Variants in DNAJC28 observed in about 807,000 individuals in gnomAD.
DNAJC28 encodes dnaJ homolog subfamily C member 28.
In DNAJC28, 24 loss-of-function variants were observed where a neutral mutation model predicts 33.3. That is an observed-to-expected ratio of 0.72 (90% CI 0.52 to 1.01). DNAJC28 has a LOEUF of 1.01. DNAJC28 is among the 50% of genes least tolerant of loss of function. The probability of loss-of-function intolerance (pLI) is 0.00; values close to 1 mark genes in which losing one functional copy is unlikely to be tolerated. For synonymous variants in DNAJC28, 120 were observed against 147.2 expected (o/e 0.82, Z 1.34); for missense variants, 442 against 455.2 (o/e 0.97, Z 0.26).
rs748768239 is a variant in DNAJC28, at chr21:33,488,272, T to TA, written c.1121dup (p.Leu374PhefsTer11). 23 of 1,529,944 alleles carry TA rather than the reference T, an allele frequency of 1.5e-5. No homozygotes were observed. Among genetic ancestry groups the TA allele is most frequent in the African/African-American group, 2.8e-5 (2 of 71,432 alleles). 94.8% of individuals were successfully genotyped at this position (1,529,944 alleles called of 1,614,324 possible). ...TAAATTTCCACAGATTCATCCAGTT[T>TA]AAAAAACCTTTCTTGATTTCAGGTG... is the stretch of plus-strand genomic sequence containing the variant. On this transcript the variant is annotated frameshift_variant, in exon 2 of 2. Coordinates refer to ENST00000381947, the MANE Select transcript of DNAJC28 (RefSeq NM_001040192.3). LOFTEE classifies it high-confidence loss of function.
Position 33,488,790 on chromosome 21 carries a change from G to C in DNAJC28, c.604C>G (p.Arg202Gly). Residue 202 changes from arginine (R) to glycine (G), a missense_variant, in exon 2 of 2, where the codon CGT becomes GGT. Coordinates refer to ENST00000381947, the MANE Select transcript of DNAJC28 (RefSeq NM_001040192.3). ...TCTTGAATGAGGTCCTCCACTAAAC[G>C]TTCTATAGCTTGCGTTATCTTTTGC... is the stretch of plus-strand genomic sequence containing the variant. ...KQQKITQAIE[R>G]LVEDLIQESM... is the part of the protein sequence containing the mutation. 1.2e-6 allele frequency: 2 copies of C among 1,613,610 alleles called. No homozygotes were observed. The highest frequency in any genetic ancestry group is 1.7e-6 in the Non-Finnish European group (2 of 1,179,928).
chr21:33,489,295 AC>A lies in DNAJC28; in HGVS notation c.98del (p.Gly33ValfsTer7). On this transcript the variant is annotated frameshift_variant, in exon 2 of 2. Transcript: ENST00000381947. LOFTEE classifies it high-confidence loss of function. Reference sequence around the variant, plus strand: ...TTGACATCATTCTATTTCTAATGATACCAAAATATGGAAGCATTTTCACTCG... The same window carrying A: ...TTGACATCATTCTATTTCTAATGATACAAAATATGGAAGCATTTTCACTCG... ...PNRVKMLPYF[G>X]IIRNRMMSTH... The A allele has an allele frequency of 1.3e-6, 2 of 1,598,796 alleles. No individual in the cohort carries two copies. The highest frequency in any genetic ancestry group is 1.7e-6 in the Non-Finnish European group (2 of 1,175,390).
chr21:33,489,370 C>T lies in DNAJC28; in HGVS notation c.24G>A (p.Met8Ile). Residue 8 changes from methionine (M) to isoleucine (I), a missense_variant, in exon 2 of 2, where the codon ATG becomes ATA. Physicochemically the swap from Met to Ile is conservative, Grantham distance 10. Transcript: ENST00000381947. Reference sequence around the variant, plus strand: ...TCAGGTGAGATCTTAAGATCTGAGCCATCATCACATACATTGTATTCATTA... The same window carrying T: ...TCAGGTGAGATCTTAAGATCTGAGCTATCATCACATACATTGTATTCATTA... MNTMYVMMAQILRSHLIK... is the reference protein window; with the variant it reads MNTMYVMIAQILRSHLIK... The T allele has an allele frequency of 6.5e-7, 1 of 1,533,112 alleles. No individual in the cohort carries two copies. The highest frequency in any genetic ancestry group is 1.3e-5 in the South Asian group (1 of 75,420). 95.0% of individuals were successfully genotyped at this position (1,533,112 alleles called of 1,614,324 possible). A position where few individuals can be genotyped will look rare whatever the true frequency, so the allele number is the denominator to read the frequency against.
chr21:33,489,261 A>G lies in DNAJC28; in HGVS notation c.133T>C (p.Ser45Pro). 1 of 1,600,116 alleles carries G rather than the reference A, an allele frequency of 6.2e-7. No homozygotes were observed. The highest frequency in any genetic ancestry group is 8.5e-7 in the Non-Finnish European group (1 of 1,176,192). Residue 45 changes from serine (S) to proline (P), a missense_variant, in exon 2 of 2, where the codon TCC (serine) becomes CCC (proline). By Grantham distance (74) the Ser-to-Pro change is moderately conservative (BLOSUM62 -1). Transcript: ENST00000381947. ...IRNRMMSTHK[S>P]KKKIREYYRL... is the part of the protein sequence containing the mutation. ...TAATATTCTCTGATCTTCTTTTTGGATTTATGGGTTGACATCATTCTATTT... is the reference window on the plus strand; with the variant it reads ...TAATATTCTCTGATCTTCTTTTTGGGTTTATGGGTTGACATCATTCTATTT...
At chr21:33,491,040 A>G (rs1361189620) in intron 1 of DNAJC28, 1 of 152,202 alleles carries the variant, frequency 6.6e-6, no homozygotes, top group African/African-American at 2.4e-5. Context: ...TCTTCTCATA[A>G]GACGACTTAT....
Position 33,488,939 on chromosome 21 carries a change from T to G in DNAJC28, c.455A>C (p.Lys152Thr). The G allele has an allele frequency of 6.2e-7, 1 of 1,613,842 alleles. No homozygotes were observed. The highest frequency in any genetic ancestry group is 1.1e-5 in the South Asian group (1 of 91,050). ...IGFGTPTQRE[K>T]HYRQFRADRA... ...GTCTGCCCTAAATTGCCTATAATGC[T>G]TCTCTCGTTGAGTTGGAGTCCCAAA... Residue 152 changes from lysine to threonine, a missense_variant, in exon 2 of 2, where the codon AAG becomes ACG. Lys to Thr is a moderately conservative substitution (Grantham distance 78). Coordinates refer to ENST00000381947, the MANE Select transcript of DNAJC28 (RefSeq NM_001040192.3).
chr21:33,491,200 A>C (rs2084519812), intron 1 of DNAJC28: 1 of 152,232 alleles, frequency 6.6e-6, no homozygotes, highest in Non-Finnish European at 1.5e-5. Context: ...GTTTGCTGCT[A>C]TTGCAATAAC....
At chr21:33,490,340 CCT>C (rs1423328810) in intron 1 of DNAJC28, among the ~76,000 whole-genome samples, 6 of 150,110 alleles carry the variant, frequency 4.0e-5, no homozygotes, top group African/African-American at 1.5e-4. Context: ...ATCTCCTGAC[CCT>C]GTGATCTGCC....
In DNAJC28 at chr21:33,488,546, T is replaced by A. The variant is rs769843998; in HGVS notation, c.848A>T (p.Asn283Ile). The A allele has an allele frequency of 1.9e-6, 3 of 1,613,100 alleles. No individual in the cohort carries two copies. Among genetic ancestry groups the A allele is most frequent in the Non-Finnish European group, 2.5e-6 (3 of 1,179,860 alleles). Residue 283 changes from asparagine (N) to isoleucine (I), a missense_variant, in exon 2 of 2, where the codon AAT becomes ATT. Coordinates refer to ENST00000381947, the MANE Select transcript of DNAJC28 (RefSeq NM_001040192.3). ...AILVSRKKLGNPMTPTEKKQW... is the reference protein window; with the variant it reads ...AILVSRKKLGIPMTPTEKKQW... Reference sequence around the variant, plus strand: ...TTTCTTTTCAGTTGGTGTCATTGGATTCCCAAGTTTTTTCCTAGACACTAA... The same window carrying A: ...TTTCTTTTCAGTTGGTGTCATTGGAATCCCAAGTTTTTTCCTAGACACTAA...
Position 33,488,234 on chromosome 21 carries a change from G to T in DNAJC28, c.1160C>A (p.Ser387Ter). 1 of 1,497,810 alleles carries T rather than the reference G, an allele frequency of 6.7e-7. No individual in the cohort carries two copies. Among genetic ancestry groups the T allele is most frequent in the Non-Finnish European group, 8.9e-7 (1 of 1,127,736 alleles). 92.8% of individuals were successfully genotyped at this position (1,497,810 alleles called of 1,614,324 possible). Residue 387 changes from serine to a stop codon, truncating the protein, a stop_gained, in exon 2 of 2, where the codon TCA becomes TAA. Transcript: ENST00000381947. LOFTEE classifies it high-confidence loss of function. The part of the protein sequence containing the change: ...MNLWKFIKIR[S>*]F ...GATTTATGATAGTAAACATCAAAAT[G>T]ATCGTATTTTAATAAATTTCCACAG...
rs759028742 is a variant in DNAJC28 at position 33,488,466 on chromosome 21, G to C, written c.928C>G (p.Arg310Gly). The C allele has an allele frequency of 2.5e-6, 4 of 1,610,550 alleles. No individual in the cohort carries two copies. The highest frequency in any genetic ancestry group is 3.4e-6 in the Non-Finnish European group (4 of 1,179,050). The change falls in exon 2 of 2, where the codon CGA (arginine) becomes GGA (glycine). Residue 310 changes from arginine (R) to glycine (G), a missense_variant. Coordinates refer to ENST00000381947, the MANE Select transcript of DNAJC28 (RefSeq NM_001040192.3). ...FQENIRKLNK[R>G]INDFNLIVPI... ...ACAATTAAATTAAAATCATTAATTC[G>C]CTTGTTTAATTTTCTGATGTTTTCT...
In DNAJC28 at chr21:33,488,602, G is replaced by A. The variant is rs750848168; in HGVS notation, c.792C>T (p.Ser264=). ...CCTCTCTGAGTTGCTCAATAGTATC[G>A]CTTATTTCCTTTTGCTTAAGGATCC... The part of the protein sequence containing the change: ...PEWILKQKEI[S]DTIEQLREAI... The change falls in exon 2 of 2, where the codon AGC becomes AGT. Residue 264 remains serine (S), a synonymous_variant. Transcript: ENST00000381947. The A allele has an allele frequency of 2.2e-5, 36 of 1,613,656 alleles. No individual in the cohort carries two copies. The highest frequency in any genetic ancestry group is 8.3e-5 in the Admixed American group (5 of 59,940).
chr21:33,488,313 C>T lies in DNAJC28; in HGVS notation c.1081G>A (p.Gly361Arg). ...TDRNPNNLDQ[G>R]EGEKTPEIKK... Reference sequence around the variant, plus strand: ...ATTTCAGGTGTTTTCTCTCCTTCTCCTTGATCAAGGTTATTTGGGTTTCTA... The same window carrying T: ...ATTTCAGGTGTTTTCTCTCCTTCTCTTTGATCAAGGTTATTTGGGTTTCTA... The change falls in exon 2 of 2, where the codon GGA (glycine) becomes AGA (arginine). Residue 361 changes from glycine to arginine, a missense_variant. Coordinates refer to ENST00000381947, the MANE Select transcript of DNAJC28 (RefSeq NM_001040192.3). The T allele has an allele frequency of 1.3e-6, 2 of 1,569,506 alleles. No homozygotes were observed. The highest frequency in any genetic ancestry group is 2.2e-5 in the Admixed American group (1 of 45,418).
chr21:33,488,644 A>C lies in DNAJC28; in HGVS notation c.750T>G (p.Asn250Lys). 1 of 1,613,948 alleles carries C rather than the reference A, an allele frequency of 6.2e-7. No individual in the cohort carries two copies. Among genetic ancestry groups the C allele is most frequent in the Non-Finnish European group, 8.5e-7 (1 of 1,179,986 alleles). Residue 250 changes from asparagine to lysine, a missense_variant, in exon 2 of 2, where the codon AAT becomes AAG. Transcript: ENST00000381947. The part of the protein sequence containing the change: ...THNLNRILID[N>K]GYQPEWILKQ... ...TAAGGATCCATTCTGGTTGGTATCC[A>C]TTATCGATCAGTATTCGGTTCAGGT...
intron 1 of DNAJC28, among the ~76,000 whole-genome samples, chr21:33,490,418 A>G (rs1237822550): frequency 6.6e-6 from 1 of 151,248 alleles, no homozygotes; most frequent in Non-Finnish European, 1.5e-5. Flanking sequence ...CACCAGCTGC[A>G]TTCTTATAGC....
intron 1 of DNAJC28, among the ~76,000 whole-genome samples, chr21:33,490,275 AT>A (rs902916963): frequency 2.5e-4 from 38 of 150,100 alleles, no homozygotes; most frequent in African/African-American, 8.8e-4. Flanking sequence ...CTCCTGGCTA[AT>A]TTTTGTATTT....
intron 1 of DNAJC28, among the ~76,000 whole-genome samples, 170 bp from the exon 2 acceptor site, chr21:33,489,594 C>CT (rs2084503250): frequency 7.0e-6 from 1 of 142,112 alleles, no homozygotes; most frequent in Non-Finnish European, 1.5e-5. Flanking sequence ...GAGACAGAGT[C>CT]TCGCTCTGTC....
chr21:33,489,510 A>G, intron 1 of DNAJC28, 86 bp from the exon 2 acceptor site: 1 of 667,786 alleles, frequency 1.5e-6, no homozygotes, highest in Non-Finnish European at 2.3e-6. Context: ...AAGATACAGC[A>G]TGAATTTATA....
At chr21:33,490,387 G>A (rs187278961) in intron 1 of DNAJC28, among the ~76,000 whole-genome samples, 52 of 151,830 alleles carry the variant, frequency 3.4e-4, no homozygotes, top group African/African-American at 1.2e-3. Context: ...GATTACAGGC[G>A]TGAGCCACCG....
Sources: allele counts gnomAD v4.1 joint callset (sites outside exome capture counted in the v4.1 genomes callset), GRCh38; gene constraint gnomAD v4.1.1; transcripts MANE v1.5; gene names NCBI Gene and HGNC (gene_info 2026-07-23, HGNC 2026-07-21).